MECOM: variants seen among roughly 807,000 people sequenced by gnomAD.
The protein encoded by MECOM is MDS1 and EVI1 complex locus, also known as histone-lysine N-methyltransferase MECOM.
A neutral mutation model predicts 116.3 loss-of-function variants in MECOM; 13 were observed. That is an observed-to-expected ratio of 0.11 (90% CI 0.07 to 0.18). MECOM has a LOEUF of 0.18. Among genes scored for constraint, MECOM ranks in the 10% least tolerant of loss-of-function variants. The pLI, the probability that MECOM is intolerant of heterozygous loss-of-function variation, is 1.00. For missense variants in MECOM, 1,299 were observed against 1,509.0 expected (o/e 0.86, Z 2.31); for synonymous variants, 528 against 535.2 (o/e 0.99, Z 0.19).
intron 1 of MECOM, among the ~76,000 whole-genome samples, chr3:169,550,322 T>C (rs1233199863): frequency 5.3e-5 from 8 of 152,164 alleles, no homozygotes; most frequent in Admixed American, 5.2e-4. Context: ...GGTTAAAGGC[T>C]CATTTTACTC....
intron 1 of MECOM, among the ~76,000 whole-genome samples, chr3:169,561,845 A>C (rs915471533): frequency 6.6e-6 from 1 of 152,132 alleles, no homozygotes; most frequent in African/African-American, 2.4e-5. Context: ...AAACATTGTA[A>C]AGAAACAATG....
chr3:169,257,862 C>G (rs959481593), intron 2 of MECOM, among the ~76,000 whole-genome samples: 2 of 152,118 alleles, frequency 1.3e-5, no homozygotes, highest in African/African-American at 4.8e-5. Flanking sequence ...TTGATAGAAG[C>G]CTATGTTGAT....
At chr3:169,595,487 C>G (rs975056456) in intron 1 of MECOM, among the ~76,000 whole-genome samples, 1 of 152,176 alleles carries the variant, frequency 6.6e-6, no homozygotes, top group Non-Finnish European at 1.5e-5. Context: ...ACATTGTCTA[C>G]TAAATCAAAA....
intron 1 of MECOM, among the ~76,000 whole-genome samples, chr3:169,591,163 G>C (rs940723911): frequency 1.3e-5 from 2 of 152,194 alleles, no homozygotes; most frequent in Admixed American, 1.3e-4. Flanking sequence ...ACCCTACCAG[G>C]ACTGTGGCAA....
chr3:169,350,436 C>T (rs1726126279), intron 2 of MECOM, among the ~76,000 whole-genome samples: 2 of 151,828 alleles, frequency 1.3e-5, no homozygotes, highest in African/African-American at 4.8e-5. Flanking sequence ...TGAGCTGAAT[C>T]ACACTGTAAA....
rs554938023 is a variant in MECOM at position 169,213,366 on chromosome 3, T to A, written c.376-69534A>T. ...AAAGCAACGAAAAAAGAAAGGAATA[T>A]ATGAGAAATTAGATAATTTCATCAT... On this transcript the variant is annotated intron_variant, in intron 2 of 16. Transcript: ENST00000651503. Among the ~76,000 whole-genome samples, 7 of 152,310 alleles carry A rather than the reference T, an allele frequency of 4.6e-5. 1 individual carries two copies. In the South Asian group the frequency reaches 1.5e-3, roughly 32 times the overall value.
chr3:169,438,255 T>G (rs1743034731), intron 1 of MECOM, among the ~76,000 whole-genome samples: 2 of 149,056 alleles, frequency 1.3e-5, no homozygotes, highest in Non-Finnish European at 3.0e-5. Context: ...ATTTTGCTTG[T>G]TTTTTTTTTA....
At chr3:169,571,693 C>G (rs1169375878) in intron 1 of MECOM, among the ~76,000 whole-genome samples, 1 of 152,166 alleles carries the variant, frequency 6.6e-6, no homozygotes, top group African/African-American at 2.4e-5. Context: ...TACCACACAT[C>G]TACAACCATC....
intron 1 of MECOM, among the ~76,000 whole-genome samples, chr3:169,473,345 A>G (rs1486423034): frequency 1.3e-5 from 2 of 152,222 alleles, no homozygotes; most frequent in African/African-American, 4.8e-5. Flanking sequence ...CAGCCACTGA[A>G]AAAAGAGAAA....
At chr3:169,099,817 A>C (rs1240332907) in intron 12 of MECOM, among the ~76,000 whole-genome samples, 1 of 152,106 alleles carries the variant, frequency 6.6e-6, no homozygotes, top group Non-Finnish European at 1.5e-5. Context: ...TTGAACATTA[A>C]ATAATGTAGT....
At chr3:169,516,147 T>C (rs1265363249) in intron 1 of MECOM, among the ~76,000 whole-genome samples, 8 of 152,176 alleles carry the variant, frequency 5.3e-5, no homozygotes, top group Non-Finnish European at 8.8e-5. Flanking sequence ...TTCAACTTCA[T>C]GAAAAACAAG....
In MECOM at chr3:169,116,324, T is replaced by C; in HGVS notation, c.1548A>G (p.Ser516=). The stretch of plus-strand genomic sequence containing the variant: ...GACTTTTGTTTGTCTGTTCAGTACT[T>C]GATAGTCCTTTAACAGGAGAACTAG... ...IPASSPVKGL[S]STEQTNKSQS... is the part of the protein sequence containing the mutation. The change falls in exon 8 of 17, where the codon TCA becomes TCG. Residue 516 remains serine, a synonymous_variant. Coordinates refer to ENST00000651503, the MANE Select transcript of MECOM (RefSeq NM_004991.4). 2 of 1,614,220 alleles carry C rather than the reference T, an allele frequency of 1.2e-6. No individual in the cohort carries two copies. The highest frequency in any genetic ancestry group is 1.3e-5 in the African/African-American group (1 of 75,054).
At chr3:169,289,829 G>A (rs888958329) in intron 2 of MECOM, among the ~76,000 whole-genome samples, 3 of 152,158 alleles carry the variant, frequency 2.0e-5, no homozygotes, top group Non-Finnish European at 4.4e-5. Flanking sequence ...TTATTTCTTT[G>A]TGTCTCATAT....
intron 2 of MECOM, among the ~76,000 whole-genome samples, chr3:169,369,203 T>C (rs892456205): frequency 3.3e-5 from 5 of 151,984 alleles, no homozygotes; most frequent in African/African-American, 1.2e-4. Flanking sequence ...CCTCATGGTA[T>C]GGACAGAGCA....
chr3:169,628,209 G>A (rs904110882), intron 1 of MECOM, among the ~76,000 whole-genome samples: 2 of 152,134 alleles, frequency 1.3e-5, no homozygotes, highest in African/African-American at 4.8e-5. Flanking sequence ...CACCTGCTGC[G>A]GGGAAAGCCT....
Position 169,446,625 on chromosome 3 carries a change from A to G in MECOM, c.38-65101T>C, listed in dbSNP as rs529713297. Reference sequence around the variant, plus strand: ...AGCTACCCTCCCTTTCCTGATAATTAAGTGGGTAGTAGTTATGTGTGTTGT... The same window carrying G: ...AGCTACCCTCCCTTTCCTGATAATTGAGTGGGTAGTAGTTATGTGTGTTGT... On this transcript the variant is annotated intron_variant, in intron 1 of 16. Coordinates refer to ENST00000651503, the MANE Select transcript of MECOM (RefSeq NM_004991.4). Among the ~76,000 whole-genome samples, 9 of 152,294 alleles carry G rather than the reference A, an allele frequency of 5.9e-5. No homozygotes were observed. The South Asian group carries it at 1.7e-3, about 28-fold the overall frequency.
intron 1 of MECOM, among the ~76,000 whole-genome samples, chr3:169,640,565 G>A (rs1375769992): frequency 1.3e-5 from 2 of 152,196 alleles, no homozygotes; most frequent in South Asian, 2.1e-4. Flanking sequence ...GTAAGGGGTG[G>A]TGGTAACAGT....
chr3:169,406,062 A>C (rs903223060), intron 1 of MECOM, among the ~76,000 whole-genome samples: 1 of 152,166 alleles, frequency 6.6e-6, no homozygotes, highest in Non-Finnish European at 1.5e-5. Flanking sequence ...CTACACTATA[A>C]TTTTGTTTAG....
intron 3 of MECOM, among the ~76,000 whole-genome samples, chr3:169,134,164 C>T (rs1735667937): frequency 6.6e-6 from 1 of 152,144 alleles, no homozygotes; most frequent in Non-Finnish European, 1.5e-5. Context: ...TTAATCATGT[C>T]TCTTTTAATT....
Sources: gnomAD v4.1 joint callset for allele counts (sites outside exome capture counted in the v4.1 genomes callset) on GRCh38, gnomAD v4.1.1 for gene constraint, MANE v1.5 for transcripts, NCBI Gene and HGNC (gene_info 2026-07-23, HGNC 2026-07-21) for gene names.